The following ANO3 variants were observed in gnomAD, a reference collection of about 807,000 sequenced individuals.
ANO3 encodes the protein anoctamin-3.
A neutral mutation model predicts 144.8 loss-of-function variants in ANO3; 99 were observed. The ratio of observed to expected loss-of-function variants is 0.68; its 90% CI spans 0.58 to 0.81. The LOEUF is 0.81. Ranked by LOEUF, ANO3 falls within the 30% of genes least tolerant of loss-of-function variation. ANO3 has a pLI of 0.00. For missense variants in ANO3, 905 were observed against 1,202.2 expected (o/e 0.75, Z 3.66); for synonymous variants, 414 against 392.6 (o/e 1.05, Z -0.64).
chr11:26,301,686 T>A (rs777626556), intron 1 of ANO3, among the ~76,000 whole-genome samples: 7 of 152,196 alleles, frequency 4.6e-5, no homozygotes, highest in Non-Finnish European at 8.8e-5. Flanking sequence ...GAATGTTAAG[T>A]TCAGGTAAAA....
At chr11:26,573,923 C>T (rs1330516232) in intron 14 of ANO3, among the ~76,000 whole-genome samples, 2 of 152,272 alleles carry the variant, frequency 1.3e-5, no homozygotes, top group Non-Finnish European at 2.9e-5. Context: ...TTTGTTTACT[C>T]ATGGAGTTGG....
intron 1 of ANO3, among the ~76,000 whole-genome samples, chr11:26,234,472 T>TAATGGAAAAGAAATGGA (rs1372701041): frequency 3.3e-5 from 5 of 152,202 alleles, no homozygotes; most frequent in Non-Finnish European, 7.3e-5. Flanking sequence ...AACCAAGAGC[T>TAATGGAAAAGAAATGGA]AATGGAAAAG....
chr11:26,338,820 G>C (rs1269483646), intron 1 of ANO3, among the ~76,000 whole-genome samples: 1 of 151,188 alleles, frequency 6.6e-6, no homozygotes, highest in Non-Finnish European at 1.5e-5. Context: ...AGAAACTCTG[G>C]ACACATCTGA....
At chr11:26,409,423 G>A (rs1184493469) in intron 1 of ANO3, among the ~76,000 whole-genome samples, 3 of 149,986 alleles carry the variant, frequency 2.0e-5, no homozygotes, top group African/African-American at 4.9e-5. Flanking sequence ...TTTAGGGCTG[G>A]TGTCAGCTGA....
At chr11:26,622,558 A>C (rs974705880) in intron 17 of ANO3, among the ~76,000 whole-genome samples, 1 of 152,096 alleles carries the variant, frequency 6.6e-6, no homozygotes, top group African/African-American at 2.4e-5. Context: ...GTGAGTTGTG[A>C]TCATGCCATT....
intron 4 of ANO3, chr11:26,474,077 T>A: frequency 1.0e-6 from 1 of 985,200 alleles, no homozygotes; most frequent in South Asian, 4.7e-5. Flanking sequence ...TTTGAGACTG[T>A]TGTCAGCAAT....
chr11:26,499,572 G>A (rs1861106991), intron 4 of ANO3, among the ~76,000 whole-genome samples: 1 of 150,876 alleles, frequency 6.6e-6, no homozygotes, highest in Non-Finnish European at 1.5e-5. Flanking sequence ...AAAATTTTAT[G>A]GATTTGTAAT....
chr11:26,451,822 CT>C (rs1858952231), intron 3 of ANO3, among the ~76,000 whole-genome samples: 3 of 152,226 alleles, frequency 2.0e-5, no homozygotes, highest in Non-Finnish European at 4.4e-5. Context: ...AGCAGCCTAA[CT>C]GGGAGACACC....
rs558936226 is a variant in ANO3 at position 26,538,524 on chromosome 11, C to T, written c.1032+1063C>T. ...AGCTCAGAGAAATTAAACACTGTATCAGATAGCACATAATAAATGGTAAAG... is the reference window on the plus strand; with the variant it reads ...AGCTCAGAGAAATTAAACACTGTATTAGATAGCACATAATAAATGGTAAAG... On this transcript the variant is annotated intron_variant, in intron 10 of 26. Coordinates refer to ENST00000256737, the MANE Select transcript of ANO3 (RefSeq NM_031418.4). Among the ~76,000 whole-genome samples the T allele has an allele frequency of 6.6e-5, 10 of 152,194 alleles. No homozygotes were observed. The South Asian group carries it at 2.1e-3, about 32-fold the overall frequency.
chr11:26,524,136 G>C (rs539091883), intron 6 of ANO3, among the ~76,000 whole-genome samples: 1 of 152,224 alleles, frequency 6.6e-6, no homozygotes, highest in South Asian at 2.1e-4. Flanking sequence ...TGTTACATCA[G>C]GGAAAATAGT....
rs1273874757 is a variant in ANO3, at chr11:26,662,588, A to G, written c.*2144A>G. The stretch of plus-strand genomic sequence containing the variant: ...AAGAAGTATTTCCTTTCCTTTTTAT[A>G]TAGTCCCGTTAGGGTTTAAAACCAT... On this transcript the variant is annotated 3_prime_UTR_variant, in exon 27 of 27. Coordinates refer to ENST00000256737, the MANE Select transcript of ANO3 (RefSeq NM_031418.4). The G allele has an allele frequency of 6.6e-6, 1 of 152,068 alleles. No individual in the cohort carries two copies. 9.4% of individuals were successfully genotyped at this position (152,068 alleles called of 1,614,324 possible). A position where few individuals can be genotyped will look rare whatever the true frequency, so the allele number is the denominator to read the frequency against.
chr11:26,622,244 C>T (rs773789983), intron 17 of ANO3, among the ~76,000 whole-genome samples: 1 of 152,000 alleles, frequency 6.6e-6, no homozygotes, highest in Non-Finnish European at 1.5e-5. Flanking sequence ...TGTAACCCCC[C>T]TAATGCATCA....
At chr11:26,473,622 T>A (rs1299873711) in intron 4 of ANO3, among the ~76,000 whole-genome samples, 1 of 129,266 alleles carries the variant, frequency 7.7e-6, no homozygotes, top group African/African-American at 2.8e-5. Context: ...AAAGTTAGTA[T>A]TTTCCAGACC....
intron 4 of ANO3, among the ~76,000 whole-genome samples, chr11:26,505,266 A>T (rs998450508): frequency 1.3e-5 from 2 of 152,218 alleles, no homozygotes; most frequent in African/African-American, 2.4e-5. Context: ...GGTGTTAGCA[A>T]TTGAAGGGAC....
chr11:26,255,752 C>A (rs1362006449), intron 1 of ANO3, among the ~76,000 whole-genome samples: 1 of 152,078 alleles, frequency 6.6e-6, no homozygotes, highest in African/African-American at 2.4e-5. Context: ...ATACATTAAT[C>A]TTTCCCAGAC....
At chr11:26,407,047 GGTGTGTGTGTGT>G (rs372391349) in intron 1 of ANO3, among the ~76,000 whole-genome samples, 2 of 108,394 alleles carry the variant, frequency 1.8e-5, no homozygotes, top group African/African-American at 3.1e-5. Context: ...TATATATATG[GGTGTGTGTGTGT>G]GTGTGTGTGT....
At chr11:26,603,828 A>G (rs1476733799) in intron 17 of ANO3, among the ~76,000 whole-genome samples, 1 of 152,160 alleles carries the variant, frequency 6.6e-6, no homozygotes, top group Non-Finnish European at 1.5e-5. Flanking sequence ...ATTTTAATTC[A>G]CATATTGTAA....
intron 14 of ANO3, among the ~76,000 whole-genome samples, chr11:26,589,394 A>C (rs1336764083): frequency 6.7e-6 from 1 of 150,358 alleles, no homozygotes; most frequent in Middle Eastern, 3.5e-3. Context: ...AGGAGAAAAA[A>C]CCTCAGTACC....
At chr11:26,219,644 A>C (rs1852102436) in intron 1 of ANO3, among the ~76,000 whole-genome samples, 1 of 152,210 alleles carries the variant, frequency 6.6e-6, no homozygotes, top group Admixed American at 6.5e-5. Context: ...GAGGAAGCCT[A>C]GAATGATAAC....
Sources: gnomAD v4.1 joint callset for allele counts (sites outside exome capture counted in the v4.1 genomes callset) on GRCh38, gnomAD v4.1.1 for gene constraint, MANE v1.5 for transcripts, NCBI Gene and HGNC (gene_info 2026-07-23, HGNC 2026-07-21) for gene names.